The following TMEM164 variants were observed in gnomAD, a reference collection of about 807,000 sequenced individuals.
TMEM164 encodes the protein RP13-360B22.2.
Under a neutral mutation model 18.8 loss-of-function variants are expected in TMEM164, and 4 were observed. The observed-to-expected ratio is 0.21, with a 90% confidence interval of 0.10 to 0.49. The LOEUF (loss-of-function observed/expected upper bound fraction) is 0.49, where lower values mean the gene tolerates loss of function less well. Among genes scored for constraint, TMEM164 ranks in the 20% least tolerant of loss-of-function variants. TMEM164 has a pLI of 0.98. For synonymous variants in TMEM164, 86 were observed against 101.7 expected (o/e 0.85, Z 0.93); for missense variants, 108 against 239.9 (o/e 0.45, Z 3.63).
chrX:110,093,726 C>T (rs2065969789), intron 3 of TMEM164, among the ~76,000 whole-genome samples: 3 of 111,271 alleles, frequency 2.7e-5, no homozygotes, highest in African/African-American at 9.8e-5. Context: ...TTGCCTTCCG[C>T]TAGCTTTTGA....
At chrX:110,127,381 C>T (rs765596183) in intron 4 of TMEM164, among the ~76,000 whole-genome samples, 6 of 111,411 alleles carry the variant, frequency 5.4e-5, no homozygotes, top group East Asian at 2.8e-4. Context: ...AGTATGGTGG[C>T]TCATGCCTGT....
chrX:110,123,402 G>T (rs1359794681), intron 4 of TMEM164, among the ~76,000 whole-genome samples: 2 of 111,627 alleles, frequency 1.8e-5, no homozygotes, highest in African/African-American at 6.5e-5. Flanking sequence ...TGTTGAAAAG[G>T]GCTGGAAAGC....
chrX:110,130,534 C>T (rs1023647211), intron 4 of TMEM164, among the ~76,000 whole-genome samples: 5 of 111,297 alleles, frequency 4.5e-5, no homozygotes, highest in Non-Finnish European at 7.5e-5. Flanking sequence ...GTTTTGAACA[C>T]CAGTCACATC....
At chrX:110,111,785 A>C (rs73540261) in intron 4 of TMEM164, among the ~76,000 whole-genome samples, 210 of 112,431 alleles carry the variant, frequency 1.9e-3, no homozygotes, top group African/African-American at 6.4e-3. Flanking sequence ...TGAAGGCCCC[A>C]AAATGCTCCA....
intron 4 of TMEM164, among the ~76,000 whole-genome samples, chrX:110,139,040 T>G (rs1339014774): frequency 1.8e-5 from 2 of 112,414 alleles, no homozygotes; most frequent in Non-Finnish European, 3.8e-5. Context: ...TGGAGGAGTT[T>G]TGCTGTAAAG....
At chrX:110,066,880 A>G (rs901588518) in intron 2 of TMEM164, among the ~76,000 whole-genome samples, 1 of 111,471 alleles carries the variant, frequency 9.0e-6, no homozygotes, top group Non-Finnish European at 1.9e-5. Context: ...TACAGGACAT[A>G]TTTATACTAA....
At chrX:110,011,677 G>A (rs1006397220) in intron 2 of TMEM164, among the ~76,000 whole-genome samples, 9 of 112,009 alleles carry the variant, frequency 8.0e-5, no homozygotes, top group African/African-American at 2.9e-4. Flanking sequence ...GAATCCCTTG[G>A]AAGCTTGTTA....
At chrX:110,150,076 T>A (rs1184052314) in intron 5 of TMEM164, among the ~76,000 whole-genome samples, 1 of 111,833 alleles carries the variant, frequency 8.9e-6, no homozygotes, top group Non-Finnish European at 1.9e-5. Flanking sequence ...ATCACATGAA[T>A]TTATAGTTAT....
At chrX:110,164,602 C>A (rs1362460006) in intron 5 of TMEM164, among the ~76,000 whole-genome samples, 1 of 111,075 alleles carries the variant, frequency 9.0e-6, no homozygotes, top group Non-Finnish European at 1.9e-5. Context: ...ACTGACAGAC[C>A]AGGATGCTGG....
intron 2 of TMEM164, among the ~76,000 whole-genome samples, chrX:110,034,904 G>C (rs1401159655): frequency 9.5e-6 from 1 of 104,872 alleles, no homozygotes; most frequent in Non-Finnish European, 2.0e-5. Context: ...AAAATGATGA[G>C]TTCATGTCCT....
chrX:110,143,635 C>T (rs987549186), intron 4 of TMEM164, among the ~76,000 whole-genome samples: 2 of 111,236 alleles, frequency 1.8e-5, no homozygotes, highest in Non-Finnish European at 1.9e-5. Flanking sequence ...CTGCCATCTT[C>T]TTGGTTTCAG....
chrX:110,145,045 A>G (rs777211064), intron 5 of TMEM164, among the ~76,000 whole-genome samples, 169 bp downstream of exon 5: 2 of 111,137 alleles, frequency 1.8e-5, no homozygotes, highest in African/African-American at 6.5e-5. Flanking sequence ...ATGGGAATGG[A>G]CGAGGCCTGC....
intron 2 of TMEM164, among the ~76,000 whole-genome samples, chrX:110,028,024 A>G (rs1288790092): frequency 8.9e-6 from 1 of 111,843 alleles, no homozygotes; most frequent in Non-Finnish European, 1.9e-5. Flanking sequence ...TCTTTGTGGG[A>G]AGATTATGGA....
chrX:110,140,017 A>T (rs2066746243), intron 4 of TMEM164, among the ~76,000 whole-genome samples: 1 of 111,280 alleles, frequency 9.0e-6, no homozygotes, highest in African/African-American at 3.3e-5. Flanking sequence ...GACCTTGAGG[A>T]GCATGGAGGG....
chrX:110,063,439 G>T (rs1176690708), intron 2 of TMEM164, among the ~76,000 whole-genome samples: 2 of 111,832 alleles, frequency 1.8e-5, no homozygotes, highest in African/African-American at 6.5e-5. Flanking sequence ...TGATATGACT[G>T]GGGGAACAGG....
intron 2 of TMEM164, among the ~76,000 whole-genome samples, chrX:110,030,237 T>C (rs1357565066): frequency 4.0e-5 from 4 of 100,838 alleles, no homozygotes; most frequent in African/African-American, 1.4e-4. Context: ...CCTCCTGCCT[T>C]AGCCTCCCGA....
chrX:110,161,391 A>G (rs942201129), intron 5 of TMEM164, among the ~76,000 whole-genome samples: 5 of 111,412 alleles, frequency 4.5e-5, no homozygotes, highest in Admixed American at 9.5e-5. Flanking sequence ...AGGTAAGGGC[A>G]GGTGAAAGTA....
chrX:110,105,088 T>C (rs1472804868), intron 3 of TMEM164, among the ~76,000 whole-genome samples: 2 of 109,532 alleles, frequency 1.8e-5, no homozygotes, highest in Admixed American at 9.8e-5. Flanking sequence ...TTTCTATTCC[T>C]TTTTCCCTTC....
intron 4 of TMEM164, among the ~76,000 whole-genome samples, chrX:110,144,305 TA>T (rs1338406781): frequency 8.9e-6 from 1 of 112,163 alleles, no homozygotes; most frequent in Non-Finnish European, 1.9e-5. Flanking sequence ...AATAAACTTG[TA>T]AATAGTCTAC....
Sources: allele counts gnomAD v4.1 joint callset (sites outside exome capture counted in the v4.1 genomes callset), GRCh38; gene constraint gnomAD v4.1.1; transcripts MANE v1.5; gene names NCBI Gene and HGNC (gene_info 2026-07-23, HGNC 2026-07-21).